NAT1: variants seen among roughly 807,000 people sequenced by gnomAD.
The protein encoded by NAT1 is arylamine N-acetyltransferase 1.
For synonymous variants in NAT1, 144 were observed against 122.6 expected (o/e 1.17, Z -1.16); for missense variants, 400 against 339.2 (o/e 1.18, Z -1.41).
intron 2 of NAT1, among the ~76,000 whole-genome samples, chr8:18,192,971 C>A (rs1185089981): frequency 6.6e-6 from 1 of 150,938 alleles, no homozygotes; most frequent in Admixed American, 6.6e-5. Flanking sequence ...GCACATGTAC[C>A]CTAAAACTTA....
At chr8:18,174,999 C>G (rs1802234965) in intron 2 of NAT1, among the ~76,000 whole-genome samples, 1 of 151,926 alleles carries the variant, frequency 6.6e-6, no homozygotes, top group Admixed American at 6.6e-5. Context: ...TTCCTGCTGC[C>G]TGGTTTTATT....
chr8:18,217,343 T>C (rs1003694308), intron 1 of NAT1, among the ~76,000 whole-genome samples: 2 of 152,216 alleles, frequency 1.3e-5, no homozygotes, highest in Non-Finnish European at 2.9e-5. Context: ...ATGCCCCAAA[T>C]ACTTAACTTC....
At chr8:18,170,582 A>T (rs1802059348) in intron 1 of NAT1, 1 of 152,164 alleles carries the variant, frequency 6.6e-6, no homozygotes, top group Admixed American at 6.5e-5. Context: ...GGCATTCTGA[A>T]CCATCTTCAG....
At chr8:18,217,141 GA>G (rs2117389022) in intron 1 of NAT1, 1 of 589,740 alleles carries the variant, frequency 1.7e-6, no homozygotes, top group East Asian at 2.8e-5. Context: ...TCCCCATGAT[GA>G]GATCAGGTTG....
At chr8:18,200,167 T>C (rs1044675412) in intron 2 of NAT1, among the ~76,000 whole-genome samples, 5 of 152,178 alleles carry the variant, frequency 3.3e-5, no homozygotes, top group Admixed American at 3.3e-4. Flanking sequence ...AAATGACCAT[T>C]TGACCCAGCA....
intron 2 of NAT1, among the ~76,000 whole-genome samples, chr8:18,201,847 A>G (rs1320013237): frequency 6.6e-6 from 1 of 152,194 alleles, no homozygotes; most frequent in Non-Finnish European, 1.5e-5. Flanking sequence ...TTTCACACAC[A>G]TATGAAGCCC....
At chr8:18,199,390 G>C (rs1041961562) in intron 2 of NAT1, among the ~76,000 whole-genome samples, 1 of 149,232 alleles carries the variant, frequency 6.7e-6, no homozygotes, top group African/African-American at 2.5e-5. Context: ...TCTGTAACTT[G>C]TTCTTCCATT....
At chr8:18,205,569 G>A (rs1803676598), upstream of NAT1, among the ~76,000 whole-genome samples, 2 of 152,162 alleles carry the variant, frequency 1.3e-5, no homozygotes, top group Non-Finnish European at 2.9e-5. Flanking sequence ...GGAGGGAGGA[G>A]TGGCAGACTG....
At chr8:18,173,659 T>G (rs1802182749) in intron 2 of NAT1, among the ~76,000 whole-genome samples, 1 of 152,180 alleles carries the variant, frequency 6.6e-6, no homozygotes, top group Non-Finnish European at 1.5e-5. Flanking sequence ...TCTGACACTT[T>G]CTTGTTGTAT....
chr8:18,204,162 T>TC (rs539726818), intron 2 of NAT1, among the ~76,000 whole-genome samples: 1,621 of 147,334 alleles, frequency 0.011, 32 homozygotes, highest in African/African-American at 0.041. Flanking sequence ...TTTGGATGTC[T>TC]TTCTCTCTCT....
At chr8:18,211,828 GA>G (rs1554474387) in intron 1 of NAT1, among the ~76,000 whole-genome samples, 1 of 151,936 alleles carries the variant, frequency 6.6e-6, no homozygotes, top group South Asian at 2.1e-4. Context: ...GAAAAGAAAA[GA>G]AAAGAAAAGA....
chr8:18,209,865 G>A (rs1010274528), upstream of NAT1: 1 of 152,166 alleles, frequency 6.6e-6, no homozygotes, highest in African/African-American at 2.4e-5. Flanking sequence ...GGCTCCCAGA[G>A]AGCAGGAACC....
chr8:18,217,563 C>G (rs905441007), intron 1 of NAT1, among the ~76,000 whole-genome samples: 1 of 152,126 alleles, frequency 6.6e-6, no homozygotes, highest in African/African-American at 2.4e-5. Flanking sequence ...TTCTGTATAC[C>G]CTTGGGGCAT....
At chr8:18,207,951 T>A (rs998278122), upstream of NAT1, among the ~76,000 whole-genome samples, 2 of 152,136 alleles carry the variant, frequency 1.3e-5, no homozygotes, top group African/African-American at 4.8e-5. Context: ...AGGAATCAGA[T>A]CATGTCCTTT....
At chr8:18,183,200 T>G (rs1589058336) in intron 2 of NAT1, among the ~76,000 whole-genome samples, 1 of 152,170 alleles carries the variant, frequency 6.6e-6, no homozygotes, top group East Asian at 1.9e-4. Context: ...TTGAAAGCCC[T>G]TTTTACGATT....
intron 1 of NAT1, among the ~76,000 whole-genome samples, chr8:18,214,362 C>T (rs1804420909): frequency 6.6e-6 from 1 of 152,148 alleles, no homozygotes; most frequent in South Asian, 2.1e-4. Flanking sequence ...CCTTTATATT[C>T]ATGTTGCCTT....
intron 1 of NAT1, chr8:18,212,273 C>T (rs950384776): frequency 6.6e-6 from 1 of 152,138 alleles, no homozygotes; most frequent in East Asian, 1.9e-4. Context: ...GAATCTTGAT[C>T]CTTCAACTAA....
intron 2 of NAT1, among the ~76,000 whole-genome samples, chr8:18,172,678 T>A (rs1480172128): frequency 6.6e-6 from 1 of 152,196 alleles, no homozygotes. Context: ...CGGATAAACA[T>A]CTTAATTCTG....
intron 2 of NAT1, among the ~76,000 whole-genome samples, chr8:18,195,090 G>A (rs1440020540): frequency 6.6e-6 from 1 of 152,192 alleles, no homozygotes; most frequent in Non-Finnish European, 1.5e-5. Flanking sequence ...TCCCCTTGGA[G>A]TTACAGGGGA....
Sources: allele counts gnomAD v4.1 joint callset (sites outside exome capture counted in the v4.1 genomes callset), GRCh38; gene constraint gnomAD v4.1.1; transcripts MANE v1.5; gene names NCBI Gene and HGNC (gene_info 2026-07-23, HGNC 2026-07-21).